The following MYLK4 variants were observed in gnomAD, a reference collection of about 807,000 sequenced individuals.
MYLK4 encodes the protein caMLCK like.
A neutral mutation model predicts 48.1 loss-of-function variants in MYLK4; 46 were observed. The ratio of observed to expected loss-of-function variants is 0.96; its 90% CI spans 0.75 to 1.22. The LOEUF (loss-of-function observed/expected upper bound fraction) is 1.22, where lower values mean the gene tolerates loss of function less well. Ranked by LOEUF, MYLK4 falls within the 50% of genes most tolerant of loss-of-function variation. MYLK4 has a pLI of 0.00. For missense variants in MYLK4, 451 were observed against 486.1 expected, an observed-to-expected ratio of 0.93 and a Z score of 0.68; for synonymous variants, 170 against 180.8, an observed-to-expected ratio of 0.94 and a Z score of 0.48.
At chr6:2,734,927 C>T (rs1763617478) in intron 2 of MYLK4, among the ~76,000 whole-genome samples, 1 of 152,168 alleles carries the variant, frequency 6.6e-6, no homozygotes, top group African/African-American at 2.4e-5. Context: ...GCATTTGTAG[C>T]CAGCTCCCAG....
At chr6:2,726,908 G>A (rs188798063) in intron 2 of MYLK4, among the ~76,000 whole-genome samples, 62 of 152,172 alleles carry the variant, frequency 4.1e-4, no homozygotes, top group South Asian at 1.5e-3. Context: ...CACCGTGCCC[G>A]GGCACCTACT....
At chr6:2,721,307 C>A (rs1763060434) in intron 2 of MYLK4, among the ~76,000 whole-genome samples, 1 of 152,166 alleles carries the variant, frequency 6.6e-6, no homozygotes, top group African/African-American at 2.4e-5. Flanking sequence ...TGTGAAATTT[C>A]AGAAAATCCA....
intron 9 of MYLK4, 148 bp downstream of exon 9, chr6:2,679,132 A>T (rs984410746): frequency 3.5e-6 from 3 of 859,844 alleles, no homozygotes; most frequent in Non-Finnish European, 5.7e-6. Flanking sequence ...CACCCACAGG[A>T]GTCAACAAAA....
chr6:2,727,597 A>C (rs1377578955), intron 2 of MYLK4, among the ~76,000 whole-genome samples: 1 of 152,208 alleles, frequency 6.6e-6, no homozygotes, highest in Non-Finnish European at 1.5e-5. Context: ...TTTTAATTTC[A>C]TAGGCCTGGA....
intron 2 of MYLK4, among the ~76,000 whole-genome samples, chr6:2,739,449 G>T (rs1171798818): frequency 6.6e-6 from 1 of 152,130 alleles, no homozygotes; most frequent in South Asian, 2.1e-4. Context: ...AAGTTCCTAC[G>T]CATTAAGGTC....
Position 2,667,377 on chromosome 6 carries a change from C to A in MYLK4, c.*548G>T, listed in dbSNP as rs1013180659. 9 of 152,210 alleles carry A rather than the reference C, an allele frequency of 5.9e-5. No homozygotes were observed. The highest frequency in any genetic ancestry group is 1.7e-4 in the African/African-American group (7 of 41,462). 9.4% of individuals were successfully genotyped at this position (152,210 alleles called of 1,614,324 possible). ...ACAAATTATTTATCCATTGTAGTCA[C>A]GTGACCACAGACCAAATCAAAATGA... On this transcript the variant is annotated 3_prime_UTR_variant, in exon 13 of 13. Coordinates refer to ENST00000274643, the MANE Select transcript of MYLK4 (RefSeq NM_001012418.5).
At position 2,688,942 on chromosome 6, in the gene MYLK4, G is replaced by A. The variant is rs1175039221; in HGVS notation, c.250C>T (p.Pro84Ser). The part of the protein sequence containing the change: ...TSALAVDIPA[P>S]PAPFDHRIVT... Reference sequence around the variant, plus strand: ...ATACGATGATCAAATGGGGCCGGAGGAGCCGGGATGTCAACTAGAAGGTGA... The same window carrying A: ...ATACGATGATCAAATGGGGCCGGAGAAGCCGGGATGTCAACTAGAAGGTGA... The change falls in exon 4 of 13, where the codon CCT (proline) becomes TCT (serine). Residue 84 changes from proline (P) to serine (S), a missense_variant. Coordinates refer to ENST00000274643, the MANE Select transcript of MYLK4 (RefSeq NM_001012418.5). 1.2e-6 allele frequency: 2 copies of A among 1,614,196 alleles called. No homozygotes were observed. Among genetic ancestry groups the A allele is most frequent in the Admixed American group, 1.7e-5 (1 of 60,028 alleles).
chr6:2,687,534 G>A (rs1416560116), intron 4 of MYLK4, among the ~76,000 whole-genome samples: 3 of 152,176 alleles, frequency 2.0e-5, no homozygotes, highest in African/African-American at 2.4e-5. Flanking sequence ...AACTATTCTC[G>A]GTTAGAGAAA....
intron 2 of MYLK4, among the ~76,000 whole-genome samples, chr6:2,715,260 CA>C (rs11445482): frequency 2.1e-4 from 30 of 142,372 alleles, no homozygotes; most frequent in African/African-American, 6.8e-4. Context: ...GACTCCGTTT[CA>C]AAAAAAAAAA....
intron 8 of MYLK4, among the ~76,000 whole-genome samples, chr6:2,679,995 C>T (rs1344011237): frequency 6.6e-6 from 1 of 152,192 alleles, no homozygotes; most frequent in African/African-American, 2.4e-5. Flanking sequence ...TAATAAACTT[C>T]ACTGTATTAG....
At chr6:2,687,918 C>T (rs1008790528) in intron 4 of MYLK4, among the ~76,000 whole-genome samples, 9 of 152,234 alleles carry the variant, frequency 5.9e-5, no homozygotes, top group East Asian at 1.9e-4. Flanking sequence ...TGGCAGCAAA[C>T]GTTATAATTT....
rs747680673 is a variant in MYLK4 at position 2,675,141 on chromosome 6, G to A, written c.1041-16C>T. ...TATTCGCCAACTAGAAGGAAATTCA[G>A]AAGGTGATTAGTAGAAACACACCGA... On this transcript the variant is annotated splice_polypyrimidine_tract_variant and intron_variant, in intron 10 of 12. Coordinates refer to ENST00000274643, the MANE Select transcript of MYLK4 (RefSeq NM_001012418.5). The A allele has an allele frequency of 1.2e-5, 20 of 1,602,550 alleles. No individual in the cohort carries two copies. Among genetic ancestry groups the A allele is most frequent in the Non-Finnish European group, 1.7e-5 (20 of 1,169,760 alleles).
chr6:2,704,090 C>T (rs990761169), intron 2 of MYLK4, among the ~76,000 whole-genome samples: 1 of 152,332 alleles, frequency 6.6e-6, no homozygotes, highest in South Asian at 2.1e-4. Flanking sequence ...TCCCTCAAGG[C>T]ATCTCAGTAT....
At chr6:2,707,931 G>A (rs1017159436) in intron 2 of MYLK4, among the ~76,000 whole-genome samples, 3 of 151,798 alleles carry the variant, frequency 2.0e-5, no homozygotes, top group African/African-American at 4.8e-5. Flanking sequence ...CCATTCATAA[G>A]CATCATATTT....
At chr6:2,768,582 G>T in the MYLK4 span, 140,588 of 849,608 alleles carry the variant, frequency 0.17, 12,891 homozygotes, top group East Asian at 0.31. Context: ...TTCTTCCGAG[G>T]TCAAGTTGCT....
intron 2 of MYLK4, among the ~76,000 whole-genome samples, chr6:2,742,824 A>T (rs941174024): frequency 2.5e-4 from 38 of 151,742 alleles, no homozygotes; most frequent in African/African-American, 8.2e-4. Context: ...CATATGTAAC[A>T]AACCTGCACA....
intron 2 of MYLK4, among the ~76,000 whole-genome samples, chr6:2,742,723 T>A (rs1206657910): frequency 2.9e-5 from 2 of 69,330 alleles, no homozygotes; most frequent in African/African-American, 6.0e-5. Flanking sequence ...TGTTGTGGGG[T>A]GGGGGGAGGG....
At chr6:2,753,998 CAA>C (rs199757208), upstream of MYLK4, among the ~76,000 whole-genome samples, 3,222 of 105,028 alleles carry the variant, frequency 0.031, 64 homozygotes, top group African/African-American at 0.071. Flanking sequence ...CCATCTCTAC[CAA>C]AAAAAAAAAA....
chr6:2,723,770 A>T (rs1001042908), intron 2 of MYLK4, among the ~76,000 whole-genome samples: 1 of 152,184 alleles, frequency 6.6e-6, no homozygotes, highest in African/African-American at 2.4e-5. Flanking sequence ...TTGGAGCCCC[A>T]CTATTTCTGG....
Sources: gnomAD v4.1 joint callset for allele counts (sites outside exome capture counted in the v4.1 genomes callset) on GRCh38, gnomAD v4.1.1 for gene constraint, MANE v1.5 for transcripts, NCBI Gene and HGNC (gene_info 2026-07-23, HGNC 2026-07-21) for gene names.